SCAF8: variants seen among roughly 807,000 people sequenced by gnomAD.
The protein encoded by SCAF8 is SR-related CTD associated factor 8.
SCAF8 carries 23 observed loss-of-function variants against 140.5 expected under a neutral mutation model. The ratio of observed to expected loss-of-function variants is 0.16; its 90% CI spans 0.12 to 0.23. SCAF8 has a LOEUF of 0.23. Ranked by LOEUF, SCAF8 falls within the 10% of genes least tolerant of loss-of-function variation. The pLI, the probability that SCAF8 is intolerant of heterozygous loss-of-function variation, is 1.00. For synonymous variants in SCAF8, 575 were observed against 528.9 expected (o/e 1.09, Z -1.20); for missense variants, 1,397 against 1,555.7 (o/e 0.90, Z 1.72).
intron 9 of SCAF8, among the ~76,000 whole-genome samples, chr6:154,806,606 A>AG (rs1204538194): frequency 1.3e-5 from 2 of 152,116 alleles, no homozygotes; most frequent in African/African-American, 2.4e-5. Flanking sequence ...AGGAGCATGG[A>AG]GGGGGGAACA....
At chr6:154,822,525 C>T (rs1583067356) in intron 16 of SCAF8, 116 bp downstream of exon 16, 1 of 1,061,530 alleles carries the variant, frequency 9.4e-7, no homozygotes, top group Non-Finnish European at 1.3e-6. Flanking sequence ...AAATGTTTGT[C>T]AGTAGTGTTA....
intron 1 of SCAF8, among the ~76,000 whole-genome samples, chr6:154,735,378 T>C (rs1778387603): frequency 6.6e-6 from 1 of 152,200 alleles, no homozygotes; most frequent in Admixed American, 6.5e-5. Context: ...GAATCTTAGC[T>C]AAGAGGCTAA....
At chr6:154,747,517 A>G (rs746192318) in intron 1 of SCAF8, among the ~76,000 whole-genome samples, 1 of 152,222 alleles carries the variant, frequency 6.6e-6, no homozygotes, top group East Asian at 1.9e-4. Context: ...TCTCAAAACA[A>G]AACAAAAAAA....
chr6:154,764,628 AG>A (rs967309184), intron 1 of SCAF8, among the ~76,000 whole-genome samples: 1 of 152,182 alleles, frequency 6.6e-6, no homozygotes, highest in African/African-American at 2.4e-5. Flanking sequence ...ACATGGCAGC[AG>A]GGAGCCAGAT....
chr6:154,798,061 T>C (rs552698975), intron 6 of SCAF8, among the ~76,000 whole-genome samples: 2 of 151,616 alleles, frequency 1.3e-5, no homozygotes, highest in South Asian at 4.1e-4. Flanking sequence ...AACATTTACT[T>C]TGACCTGCAG....
At chr6:154,792,431 G>A (rs973636504) in intron 4 of SCAF8, among the ~76,000 whole-genome samples, 1 of 152,198 alleles carries the variant, frequency 6.6e-6, no homozygotes, top group African/African-American at 2.4e-5. Context: ...GATAGACATT[G>A]TGTGAGACAA....
At chr6:154,821,926 G>A (rs905740259) in intron 15 of SCAF8, among the ~76,000 whole-genome samples, 1 of 152,172 alleles carries the variant, frequency 6.6e-6, no homozygotes, top group Non-Finnish European at 1.5e-5. Context: ...TACTCTCCTA[G>A]TTGGTCTTCC....
At chr6:154,792,772 C>A in intron 4 of SCAF8, 51 bp from the exon 5 acceptor site, 2 of 1,355,468 alleles carry the variant, frequency 1.5e-6, no homozygotes, top group Non-Finnish European at 2.0e-6. Context: ...AATGACTGTA[C>A]TAAGGTTTTG....
chr6:154,821,339 C>T (rs1778416548), intron 15 of SCAF8, among the ~76,000 whole-genome samples: 1 of 151,524 alleles, frequency 6.6e-6, no homozygotes, highest in Admixed American at 6.6e-5. Context: ...TTTTCCTATT[C>T]TGTTTTACTT....
chr6:154,788,110 A>G (rs111975465), intron 4 of SCAF8, 88 bp downstream of exon 4: 41 of 1,099,686 alleles, frequency 3.7e-5, no homozygotes, highest in African/African-American at 2.8e-4. Context: ...ATCTTAGTAC[A>G]GTCATGTGCC....
chr6:154,794,357 T>C, intron 5 of SCAF8, among the ~76,000 whole-genome samples: 1 of 152,318 alleles, frequency 6.6e-6, no homozygotes, highest in Admixed American at 6.5e-5. Context: ...TTAAGTATTG[T>C]AGGCTTTAGA....
chr6:154,763,027 G>A (rs1393391207), intron 1 of SCAF8, among the ~76,000 whole-genome samples: 1 of 152,040 alleles, frequency 6.6e-6, no homozygotes, highest in East Asian at 1.9e-4. Context: ...ATGATAAAGT[G>A]TTTTCCTCCT....
At chr6:154,801,190 A>G (rs1406049601) in intron 6 of SCAF8, among the ~76,000 whole-genome samples, 1 of 151,532 alleles carries the variant, frequency 6.6e-6, no homozygotes, top group Non-Finnish European at 1.5e-5. Context: ...TTTGTTTCCT[A>G]GTGTTACTGT....
chr6:154,805,276 G>T (rs1777880418), intron 8 of SCAF8, 93 bp from the exon 9 acceptor site: 1 of 678,962 alleles, frequency 1.5e-6, no homozygotes, highest in Non-Finnish European at 2.6e-6. Flanking sequence ...ATGTTTTATT[G>T]AATTGACTTT....
intron 1 of SCAF8, among the ~76,000 whole-genome samples, chr6:154,759,343 T>C (rs1779042976): frequency 6.6e-6 from 1 of 152,234 alleles, no homozygotes; most frequent in African/African-American, 2.4e-5. Context: ...GATGAGTTTT[T>C]GGTTTTAGGG....
At chr6:154,770,750 G>T (rs962488107) in intron 1 of SCAF8, among the ~76,000 whole-genome samples, 23 of 152,052 alleles carry the variant, frequency 1.5e-4, no homozygotes, top group Non-Finnish European at 2.9e-4. Flanking sequence ...ACTGGTTTTT[G>T]TTGTTGTTGT....
Position 154,770,388 on chromosome 6 carries a change from ACTCTCTCTCTCTCTCTCTCT to A in SCAF8, c.31-3584_31-3565del, listed in dbSNP as rs58596375. 1.3e-4 allele frequency among the ~76,000 whole-genome samples: 19 copies of A among 142,000 alleles called. No homozygotes were observed. The East Asian group carries it at 3.1e-3, about 23-fold the overall frequency. The allele number at this position is 142,000 out of a possible 152,430, so 93.2% of individuals were successfully genotyped here. A position where few individuals can be genotyped will look rare whatever the true frequency, so the allele number is the denominator to read the frequency against. Reference sequence around the variant, plus strand: ...TTGAGGTACACACACACACACACACACTCTCTCTCTCTCTCTCTCTCTCTCTCTCTCTCTCTAGTTGAGTG... The same window carrying A: ...TTGAGGTACACACACACACACACACACTCTCTCTCTCTCTCTAGTTGAGTG... On this transcript the variant is annotated intron_variant, in intron 1 of 19. Coordinates refer to ENST00000367178, the MANE Select transcript of SCAF8 (RefSeq NM_014892.5).
Position 154,831,864 on chromosome 6 carries a change from G to A in SCAF8, c.2360-75G>A, listed in dbSNP as rs1346715398. The A allele has an allele frequency of 3.2e-6, 4 of 1,254,930 alleles. No individual in the cohort carries two copies. In the African/African-American group the frequency reaches 4.5e-5, roughly 14 times the overall value. 77.7% of individuals were successfully genotyped at this position (1,254,930 alleles called of 1,614,324 possible). A position where few individuals can be genotyped will look rare whatever the true frequency, so the allele number is the denominator to read the frequency against. Reference sequence around the variant, plus strand: ...GTACCTTGATTATTGGGGGATACAAGTAGCTGATTAAGCTAAAATTATTGG... The same window carrying A: ...GTACCTTGATTATTGGGGGATACAAATAGCTGATTAAGCTAAAATTATTGG... On this transcript the variant is annotated intron_variant, in intron 19 of 19. Transcript: ENST00000367178.
At chr6:154,800,837 G>T (rs901331008) in intron 6 of SCAF8, among the ~76,000 whole-genome samples, 7 of 151,478 alleles carry the variant, frequency 4.6e-5, no homozygotes, top group Non-Finnish European at 8.8e-5. Flanking sequence ...TATAGAATTA[G>T]TAATTTTATT....
Sources: gnomAD v4.1 joint callset for allele counts (sites outside exome capture counted in the v4.1 genomes callset) on GRCh38, gnomAD v4.1.1 for gene constraint, MANE v1.5 for transcripts, NCBI Gene and HGNC (gene_info 2026-07-23, HGNC 2026-07-21) for gene names.